Variants in ARFGEF3 observed in about 807,000 individuals in gnomAD.
The protein encoded by ARFGEF3 is ARFGEF family member 3.
ARFGEF3 carries 96 observed loss-of-function variants against 221.7 expected under a neutral mutation model. That is an observed-to-expected ratio of 0.43 (90% confidence interval 0.37 to 0.51). The LOEUF (loss-of-function observed/expected upper bound fraction) is 0.51. Among genes scored for constraint, ARFGEF3 ranks in the 20% least tolerant of loss-of-function variants. The probability of loss-of-function intolerance (pLI) is 0.00; values close to 1 mark genes in which losing one functional copy is unlikely to be tolerated. For missense variants in ARFGEF3, 2,410 were observed against 2,789.9 expected (o/e 0.86, Z 3.07); for synonymous variants, 1,145 against 1,126.8 (o/e 1.02, Z -0.32).
chr6:138,246,777 A>C (rs1362471037), intron 8 of ARFGEF3, among the ~76,000 whole-genome samples: 1 of 152,204 alleles, frequency 6.6e-6, no homozygotes, highest in East Asian at 1.9e-4. Context: ...TCAAATGTAC[A>C]ACTTGGGGAT....
At chr6:138,328,502 C>A (rs1780165509) in intron 32 of ARFGEF3, among the ~76,000 whole-genome samples, 1 of 152,138 alleles carries the variant, frequency 6.6e-6, no homozygotes. Context: ...TTCCTCTGTA[C>A]AGGTCTATGT....
At chr6:138,184,460 T>G (rs1777143207) in intron 2 of ARFGEF3, among the ~76,000 whole-genome samples, 1 of 152,302 alleles carries the variant, frequency 6.6e-6, no homozygotes, top group Non-Finnish European at 1.5e-5. Context: ...TGATTAAGGT[T>G]TCCCCGCTCC....
At chr6:138,221,941 A>G (rs1777990200) in intron 4 of ARFGEF3, among the ~76,000 whole-genome samples, 1 of 152,236 alleles carries the variant, frequency 6.6e-6, no homozygotes, top group Admixed American at 6.5e-5. Flanking sequence ...TTGGTTGATA[A>G]CCTGCTAATA....
At chr6:138,336,042 G>C (rs1780315489) in intron 33 of ARFGEF3, among the ~76,000 whole-genome samples, 1 of 152,106 alleles carries the variant, frequency 6.6e-6, no homozygotes, top group East Asian at 1.9e-4. Flanking sequence ...TAAGGAATAA[G>C]TAAGAGTTTA....
chr6:138,321,006 T>C (rs1780015505), intron 28 of ARFGEF3, 105 bp from the exon 29 acceptor site: 2 of 672,090 alleles, frequency 3.0e-6, no homozygotes, highest in Non-Finnish European at 5.1e-6. Flanking sequence ...TTTTCCCAGA[T>C]ATTTGCTTAT....
intron 2 of ARFGEF3, among the ~76,000 whole-genome samples, chr6:138,198,892 C>T (rs1256876576): frequency 1.3e-5 from 2 of 152,222 alleles, no homozygotes; most frequent in East Asian, 3.8e-4. Flanking sequence ...TTGGTGGGAG[C>T]TGACTCTCCG....
At chr6:138,241,924 G>A (rs879677195) in intron 6 of ARFGEF3, among the ~76,000 whole-genome samples, 2 of 152,158 alleles carry the variant, frequency 1.3e-5, no homozygotes, top group African/African-American at 2.4e-5. Context: ...AAAAAGTAAA[G>A]TTGCTACATT....
intron 10 of ARFGEF3, among the ~76,000 whole-genome samples, chr6:138,260,741 T>G (rs1002763691): frequency 6.6e-6 from 1 of 151,980 alleles, no homozygotes; most frequent in African/African-American, 2.4e-5. Context: ...CTGAACAGAT[T>G]AAGAAAATTG....
intron 29 of ARFGEF3, 150 bp downstream of exon 29, chr6:138,321,375 CTTCAT>C: frequency 1.7e-6 from 1 of 594,386 alleles, no homozygotes; most frequent in Non-Finnish European, 3.0e-6. Flanking sequence ...GCTAATAATT[CTTCAT>C]TTCAGTGTTC....
intron 4 of ARFGEF3, among the ~76,000 whole-genome samples, chr6:138,221,768 C>T (rs570365271): frequency 6.6e-6 from 1 of 152,174 alleles, no homozygotes; most frequent in Non-Finnish European, 1.5e-5. Context: ...TAGTGGCAAT[C>T]AATAAAGGCC....
chr6:138,298,657 C>T lies in ARFGEF3; in HGVS notation c.3700C>T (p.His1234Tyr). The T allele has an allele frequency of 6.2e-7, 1 of 1,613,538 alleles. No homozygotes were observed. Among genetic ancestry groups the T allele is most frequent in the Non-Finnish European group, 8.5e-7 (1 of 1,179,710 alleles). Residue 1234 changes from histidine to tyrosine, a missense_variant, in exon 22 of 34, where the codon CAT (histidine) becomes TAT (tyrosine). Transcript: ENST00000251691. Reference sequence around the variant, plus strand: ...GTCTCAGAAGGCTGTTTCCTTCATCCATGACATACTGACAGAAGTCCTCAC... The same window carrying T: ...GTCTCAGAAGGCTGTTTCCTTCATCTATGACATACTGACAGAAGTCCTCAC... ...HVSQKAVSFI[H>Y]DILTEVLTDW...
intron 5 of ARFGEF3, among the ~76,000 whole-genome samples, chr6:138,234,749 CCTTT>C (rs1270866979): frequency 6.6e-6 from 1 of 152,080 alleles, no homozygotes; most frequent in Non-Finnish European, 1.5e-5. Flanking sequence ...AATCTCTGAT[CCTTT>C]CTATTTTTAA....
chr6:138,325,683 A>G (rs1400011827), intron 31 of ARFGEF3, among the ~76,000 whole-genome samples: 1 of 152,250 alleles, frequency 6.6e-6, no homozygotes, highest in Admixed American at 6.5e-5. Context: ...TGGCTAAAGC[A>G]TTTGCACGTG....
chr6:138,334,461 C>T lies in ARFGEF3; in HGVS notation c.5615C>T (p.Pro1872Leu), dbSNP rs779188216. Residue 1872 changes from proline (P) to leucine (L), a missense_variant, in exon 33 of 34, where the codon CCG becomes CTG. Transcript: ENST00000251691. The surrounding 1 kb of genome is among the most constrained non-coding windows in gnomAD (Gnocchi z 5.1). ...GAGGAAACCGCCCAGGTCAGCCCCCCGAGAGGCAAGGAGAAGAGACAGTGG... is the reference window on the plus strand; with the variant it reads ...GAGGAAACCGCCCAGGTCAGCCCCCTGAGAGGCAAGGAGAAGAGACAGTGG... ...IFEETAQVSP[P>L]RGKEKRQWRA... The T allele has an allele frequency of 1.2e-5, 19 of 1,611,536 alleles. No homozygotes were observed. Among genetic ancestry groups the T allele is most frequent in the African/African-American group, 5.3e-5 (4 of 74,836 alleles).
chr6:138,295,658 A>C (rs1779499125), intron 20 of ARFGEF3, among the ~76,000 whole-genome samples: 1 of 152,116 alleles, frequency 6.6e-6, no homozygotes, highest in Admixed American at 6.5e-5. Context: ...AGAAAATATA[A>C]TTGCTTTAAA....
intron 13 of ARFGEF3, among the ~76,000 whole-genome samples, chr6:138,279,686 A>G (rs1472011931): frequency 6.6e-6 from 1 of 152,206 alleles, no homozygotes. Flanking sequence ...GCTCCTAGAA[A>G]AGGAAGCTCG....
intron 12 of ARFGEF3, among the ~76,000 whole-genome samples, chr6:138,265,235 T>C (rs1053405851): frequency 2.6e-5 from 4 of 152,118 alleles, no homozygotes; most frequent in East Asian, 1.9e-4. Flanking sequence ...TTATCCAAAG[T>C]TGTAGCAAGC....
intron 15 of ARFGEF3, 83 bp downstream of exon 15, chr6:138,286,136 T>A: frequency 1.1e-6 from 1 of 902,780 alleles, no homozygotes. Context: ...GTGACTTGAA[T>A]CAGGATTTTG....
chr6:138,342,007 C>G lies in ARFGEF3; in HGVS notation c.*5521C>G, dbSNP rs964122043. ...ACTTTAGTGACAAAACAGCACTCCA[C>G]TGCTGGTGAATCCCATCTAATTATG... On this transcript the variant is annotated 3_prime_UTR_variant, in exon 34 of 34. Coordinates refer to ENST00000251691, the MANE Select transcript of ARFGEF3 (RefSeq NM_020340.5). The G allele has an allele frequency of 6.6e-6, 1 of 152,224 alleles. No individual in the cohort carries two copies. Among genetic ancestry groups the G allele is most frequent in the Non-Finnish European group, 1.5e-5 (1 of 68,058 alleles). The allele number at this position is 152,224 out of a possible 1,614,324, so 9.4% of individuals were successfully genotyped here.
Sources: gnomAD v4.1 joint callset for allele counts (sites outside exome capture counted in the v4.1 genomes callset) on GRCh38, gnomAD v4.1.1 for gene constraint, Gnocchi (gnomAD v3.1) non-coding constraint, MANE v1.5 for transcripts, NCBI Gene and HGNC (gene_info 2026-07-23, HGNC 2026-07-21) for gene names.